ATP11B: variants seen among roughly 807,000 people sequenced by gnomAD.
ATP11B encodes the protein ATPase phospholipid transporting 11B (putative).
In ATP11B, 81 loss-of-function variants were observed where a neutral mutation model predicts 157.8. The observed-to-expected ratio is 0.51, with a 90% CI of 0.43 to 0.62. The LOEUF (loss-of-function observed/expected upper bound fraction) is 0.62, where lower values mean the gene tolerates loss of function less well. Ranked by LOEUF, ATP11B falls within the 20% of genes least tolerant of loss-of-function variation. ATP11B has a pLI of 0.00. For synonymous variants in ATP11B, 451 were observed against 469.4 expected (o/e 0.96, Z 0.51); for missense variants, 1,165 against 1,402.2 (o/e 0.83, Z 2.70).
chr3:182,815,744 T>G (rs186338158), intron 1 of ATP11B, among the ~76,000 whole-genome samples: 27 of 152,294 alleles, frequency 1.8e-4, no homozygotes, highest in Admixed American at 9.1e-4. Flanking sequence ...AAGGATGATG[T>G]TTTCTTAGTT....
chr3:182,921,323 A>C lies in ATP11B; in HGVS notation c.*3219A>C, dbSNP rs1725473204. 1 of 151,812 alleles carries C rather than the reference A, an allele frequency of 6.6e-6. No individual in the cohort carries two copies. Among genetic ancestry groups the C allele is most frequent in the African/African-American group, 2.4e-5 (1 of 41,094 alleles). 9.4% of individuals were successfully genotyped at this position (151,812 alleles called of 1,614,324 possible). ...TTGAAATGAGTTATCTATTTTCATA[A>C]AAGTAAAACACTATTAAAGTGCTGT... On this transcript the variant is annotated 3_prime_UTR_variant, in exon 30 of 30. Transcript: ENST00000323116.
chr3:182,887,612 T>A lies in ATP11B; in HGVS notation c.2742T>A (p.Thr914=), dbSNP rs533716931. 1.6e-5 allele frequency: 25 copies of A among 1,612,444 alleles called. No homozygotes were observed. The Middle Eastern group carries it at 9.9e-4, about 64-fold the overall frequency. ...CATTGTATGACAGCGTGTACCTGACTTTATACAATATTTGTTTTACTTCCC... is the reference window on the plus strand; with the variant it reads ...CATTGTATGACAGCGTGTACCTGACATTATACAATATTTGTTTTACTTCCC... The part of the protein sequence containing the change: ...QQTLYDSVYL[T]LYNICFTSLP... The change falls in exon 24 of 30, where the codon ACT becomes ACA. Residue 914 remains threonine (T), a synonymous_variant. Coordinates refer to ENST00000323116, the MANE Select transcript of ATP11B (RefSeq NM_014616.3).
At chr3:182,830,418 T>C (rs2108506003) in intron 4 of ATP11B, among the ~76,000 whole-genome samples, 1 of 152,370 alleles carries the variant, frequency 6.6e-6, no homozygotes, top group Admixed American at 6.5e-5. Context: ...GGAAATATTT[T>C]CAATCAGAGC....
At chr3:182,803,705 C>T (rs998290038) in intron 1 of ATP11B, among the ~76,000 whole-genome samples, 2 of 152,108 alleles carry the variant, frequency 1.3e-5, no homozygotes, top group Non-Finnish European at 2.9e-5. Flanking sequence ...TGTTTTCTCC[C>T]GTATAGAAAG....
chr3:182,820,914 A>G (rs1210473834), intron 2 of ATP11B, among the ~76,000 whole-genome samples: 1 of 152,184 alleles, frequency 6.6e-6, no homozygotes, highest in Non-Finnish European at 1.5e-5. Context: ...GCTATGTACC[A>G]GAAACTATAT....
rs781551359 is a variant in ATP11B at position 182,879,534 on chromosome 3, T to C, written c.2291T>C (p.Val764Ala). The C allele has an allele frequency of 6.2e-7, 1 of 1,612,132 alleles. No homozygotes were observed. The highest frequency in any genetic ancestry group is 1.1e-5 in the South Asian group (1 of 90,546). Residue 764 changes from valine (V) to alanine (A), a missense_variant, in exon 20 of 30, where the codon GTG (valine) becomes GCG (alanine). By Grantham distance (64) the Val-to-Ala change is moderately conservative. Coordinates refer to ENST00000323116, the MANE Select transcript of ATP11B (RefSeq NM_014616.3). ...CATGTGATTCAGCATGGGCTGGTAG[T>C]GGATGGGACCAGCCTATCTCTTGCA... ...EDHVIQHGLV[V>A]DGTSLSLALR...
At chr3:182,859,676 C>T (rs1720684747) in intron 12 of ATP11B, among the ~76,000 whole-genome samples, 1 of 152,118 alleles carries the variant, frequency 6.6e-6, no homozygotes, top group Non-Finnish European at 1.5e-5. Flanking sequence ...ACTATCATAT[C>T]ACAATTTGGG....
At chr3:182,837,263 C>T (rs1576996123) in intron 7 of ATP11B, 89 bp downstream of exon 7, 3 of 955,766 alleles carry the variant, frequency 3.1e-6, no homozygotes, top group East Asian at 5.5e-5. Flanking sequence ...AAATCTTTAG[C>T]TAATTGGAGA....
chr3:182,878,636 G>T (rs1722211156), intron 19 of ATP11B, among the ~76,000 whole-genome samples: 1 of 152,160 alleles, frequency 6.6e-6, no homozygotes, highest in Admixed American at 6.5e-5. Flanking sequence ...ACTGTACTTG[G>T]AGTAGCACCT....
Position 182,867,431 on chromosome 3 carries a change from G to A in ATP11B, c.1675G>A (p.Gly559Arg). The A allele has an allele frequency of 6.2e-7, 1 of 1,605,878 alleles. No individual in the cohort carries two copies. Among genetic ancestry groups the A allele is most frequent in the Admixed American group, 1.7e-5 (1 of 59,944 alleles). ...AGAAACTATGGAGGTTAAAACTCTT[G>A]GAAAACTGGAACGGTAATTTTTTTT... The part of the protein sequence containing the change: ...SEETMEVKTL[G>R]KLERYKLLHI... Residue 559 changes from glycine to arginine, a missense_variant, in exon 15 of 30, where the codon GGA becomes AGA. Around this residue, in one of 4 missense-constraint regions of ATP11B, gnomAD observed 737 missense variants for 930.5 expected, o/e 0.79. Coordinates refer to ENST00000323116, the MANE Select transcript of ATP11B (RefSeq NM_014616.3).
At chr3:182,854,752 TACACACACACACAC>T (rs71183649) in intron 10 of ATP11B, among the ~76,000 whole-genome samples, 2,084 of 145,938 alleles carry the variant, frequency 0.014, 60 homozygotes, top group African/African-American at 0.049. Context: ...TGCATGTGTT[TACACACACACACAC>T]ACACACACAC....
At chr3:182,838,981 C>T (rs1216288040) in intron 7 of ATP11B, among the ~76,000 whole-genome samples, 1 of 151,904 alleles carries the variant, frequency 6.6e-6, no homozygotes, top group Admixed American at 6.6e-5. Flanking sequence ...CATATGATCC[C>T]AGTTATGTAA....
chr3:182,835,073 T>C (rs1408510595), intron 4 of ATP11B, among the ~76,000 whole-genome samples: 2 of 152,102 alleles, frequency 1.3e-5, no homozygotes, highest in East Asian at 3.8e-4. Context: ...TGTCTTCACA[T>C]TGAGCAGACT....
chr3:182,836,228 A>C, intron 5 of ATP11B, 86 bp downstream of exon 5: 5 of 1,563,394 alleles, frequency 3.2e-6, no homozygotes, highest in Non-Finnish European at 4.4e-6. Flanking sequence ...TTTAGTTAAA[A>C]GCCTACTTTC....
chr3:182,839,691 C>G (rs1577000466), intron 7 of ATP11B, among the ~76,000 whole-genome samples: 1 of 151,916 alleles, frequency 6.6e-6, no homozygotes, highest in African/African-American at 2.4e-5. Context: ...CTCACTGCAA[C>G]CCCCGGACTC....
intron 5 of ATP11B, 80 bp from the exon 6 acceptor site, chr3:182,836,262 C>T: frequency 6.3e-7 from 1 of 1,581,254 alleles, no homozygotes; most frequent in African/African-American, 1.4e-5. Flanking sequence ...CTGTGATAGG[C>T]TGCTTCTTTA....
intron 28 of ATP11B, among the ~76,000 whole-genome samples, chr3:182,903,528 C>G (rs1022936111): frequency 4.6e-5 from 7 of 152,076 alleles, no homozygotes; most frequent in African/African-American, 7.2e-5. Flanking sequence ...ATTTACTAAA[C>G]CTTTCAGGTT....
intron 1 of ATP11B, among the ~76,000 whole-genome samples, chr3:182,798,722 G>A (rs1218458204): frequency 6.6e-6 from 1 of 152,188 alleles, no homozygotes; most frequent in Non-Finnish European, 1.5e-5. Context: ...CGAAATGTAG[G>A]CACTTGAAGT....
At chr3:182,853,242 T>C (rs1400502010) in intron 10 of ATP11B, among the ~76,000 whole-genome samples, 1 of 152,168 alleles carries the variant, frequency 6.6e-6, no homozygotes, top group Non-Finnish European at 1.5e-5. Context: ...AGAGTCTCAC[T>C]CTGTCACCAG....
Sources: gnomAD v4.1 joint callset for allele counts (sites outside exome capture counted in the v4.1 genomes callset) on GRCh38, gnomAD v4.1.1 for gene constraint, gnomAD v4.1.1 regional missense constraint, MANE v1.5 for transcripts, NCBI Gene and HGNC (gene_info 2026-07-23, HGNC 2026-07-21) for gene names.